PTOV1: variants seen among roughly 807,000 people sequenced by gnomAD.
PTOV1 encodes PTOV1 extended AT-hook containing adaptor protein, also known as prostate tumor-overexpressed gene 1 protein.
A neutral mutation model predicts 58.0 loss-of-function variants in PTOV1; 20 were observed. That is an observed-to-expected ratio of 0.34 (90% CI 0.24 to 0.50). PTOV1 has a LOEUF of 0.50. PTOV1 is among the 20% of genes least tolerant of loss of function. The pLI, the probability that PTOV1 is intolerant of heterozygous loss-of-function variation, is 0.98. For synonymous variants in PTOV1, 335 were observed against 234.2 expected (o/e 1.43, Z -3.93); for missense variants, 593 against 565.4 (o/e 1.05, Z -0.50).
rs984271358 is a variant in PTOV1 at position 49,854,393 on chromosome 19, C to G, written c.172-13C>G. 6.9e-6 allele frequency: 11 copies of G among 1,603,444 alleles called. No homozygotes were observed. In the East Asian group the frequency reaches 2.0e-4, roughly 29 times the overall value. On this transcript the variant is annotated splice_polypyrimidine_tract_variant and intron_variant, in intron 1 of 11. Transcript: ENST00000391842. The stretch of plus-strand genomic sequence containing the variant: ...GGCCTCAGTTTTCCCACCTATCCCC[C>G]ACTCCATTGCAGGAAGGTGCTCGGG...
chr19:49,860,155 A>C (rs1600406376), exon 11 of PTOV1: 1 of 1,614,094 alleles, frequency 6.2e-7, no homozygotes, highest in Non-Finnish European at 8.5e-7. Context: ...CTGCAGCGGA[A>C]CCTGGAGCAG....
At chr19:49,851,533 C>G in intron 1 of PTOV1, 34 bp downstream of exon 1, 1 of 1,132,760 alleles carries the variant, frequency 8.8e-7, no homozygotes, top group Non-Finnish European at 1.1e-6. Context: ...GAGCCTTCCA[C>G]GGCCCCGCCC....
intron 6 of PTOV1, 195 bp from the exon 7 acceptor site, chr19:49,857,498 C>T (rs2074527414): frequency 1.6e-6 from 1 of 640,326 alleles, no homozygotes; most frequent in Non-Finnish European, 2.8e-6. Flanking sequence ...GGGCCGGGAC[C>T]TGTCTCAGGC....
chr19:49,858,853 C>T (rs1468721270), intron 10 of PTOV1, 200 bp downstream of exon 10: 7 of 542,012 alleles, frequency 1.3e-5, no homozygotes, highest in South Asian at 7.5e-5. Context: ...CCTGGTTCTG[C>T]GGGGGCCTGC....
chr19:49,851,419 G>T, exon 1 of PTOV1: 8 of 1,207,252 alleles, frequency 6.6e-6, no homozygotes, highest in Non-Finnish European at 8.2e-6. Context: ...CGTGGTGCGC[G>T]CCGTCCGCTC....
intron 6 of PTOV1, 120 bp from the exon 7 acceptor site, chr19:49,857,573 A>AATGGAC: frequency 1.1e-6 from 1 of 913,450 alleles, no homozygotes; most frequent in Non-Finnish European, 1.7e-6. Context: ...GGGACTAGAG[A>AATGGAC]ATGGACCCAG....
intron 8 of PTOV1, 38 bp downstream of exon 8, chr19:49,858,015 G>A (rs1287728918): frequency 6.2e-7 from 1 of 1,613,376 alleles, no homozygotes; most frequent in Admixed American, 1.7e-5. Flanking sequence ...AGCATCCAGG[G>A]GAGCTGGGGC....
intron 1 of PTOV1, among the ~76,000 whole-genome samples, chr19:49,854,186 C>A (rs1488512651): frequency 1.3e-5 from 2 of 152,182 alleles, no homozygotes; most frequent in African/African-American, 2.4e-5. Flanking sequence ...ACAGCAGGCT[C>A]TGGGAAGGAA....
chr19:49,853,519 G>C (rs1050290620), intron 1 of PTOV1, among the ~76,000 whole-genome samples: 1 of 147,882 alleles, frequency 6.8e-6, no homozygotes, highest in Non-Finnish European at 1.5e-5. Context: ...AAAAAAATTA[G>C]CCGGGCATGA....
rs903836923 is a variant in PTOV1, at chr19:49,858,654, G to A, written c.1041+1G>A. ...GTGCCGGATCATGGACAATGGCTTC[G>A]TGAGTGGTGCCAGCAGACGCAGGGG... On this transcript the variant is annotated splice_donor_variant, in intron 10 of 11. Coordinates refer to ENST00000391842, the Ensembl canonical transcript of PTOV1. LOFTEE classifies it high-confidence loss of function. 3 of 1,591,638 alleles carry A rather than the reference G, an allele frequency of 1.9e-6. No homozygotes were observed. The highest frequency in any genetic ancestry group is 1.1e-5 in the South Asian group (1 of 88,222).
intron 9 of PTOV1, 29 bp downstream of exon 9, chr19:49,858,143 C>G (rs1568648807): frequency 6.2e-7 from 1 of 1,609,112 alleles, no homozygotes; most frequent in Non-Finnish European, 8.5e-7. Context: ...GTGCTGGAGC[C>G]TGCACGCAGT....
intron 1 of PTOV1, 32 bp from the exon 2 acceptor site, chr19:49,854,372 TCA>T (rs2074370479): frequency 6.3e-7 from 1 of 1,587,924 alleles, no homozygotes; most frequent in African/African-American, 1.3e-5. Context: ...GGCCCCGGCC[TCA>T]GTTTTCCCAC....
intron 10 of PTOV1, chr19:49,858,960 T>C: frequency 7.3e-6 from 2 of 273,688 alleles, no homozygotes; most frequent in South Asian, 9.5e-5. Flanking sequence ...CCCGGGAGCT[T>C]GTGCCACATC....
chr19:49,850,818 T>C, upstream of PTOV1: 1 of 1,527,130 alleles, frequency 6.5e-7, no homozygotes, highest in Non-Finnish European at 8.8e-7. Flanking sequence ...CATTATTCCG[T>C]CCTCCCCTCT....
Position 49,851,198 on chromosome 19 carries a change from C to T in PTOV1, c.-131C>T, listed in dbSNP as rs1600348588. 23 of 1,211,272 alleles carry T rather than the reference C, an allele frequency of 1.9e-5. No homozygotes were observed. In the East Asian group the frequency reaches 8.6e-4, roughly 45 times the overall value. The allele number at this position is 1,211,272 out of a possible 1,614,324, so 75.0% of individuals were successfully genotyped here. A position where few individuals can be genotyped will look rare whatever the true frequency, so the allele number is the denominator to read the frequency against. The stretch of plus-strand genomic sequence containing the variant: ...GGCGACCCCACTCCGGCGGCGCGTC[C>T]CCCGAGCTTGGTACGGCTCAGCCCG... On this transcript the variant is annotated 5_prime_UTR_variant, in exon 1 of 12. Coordinates refer to ENST00000391842, the Ensembl canonical transcript of PTOV1.
chr19:49,858,600 A>G (rs1291416963), exon 10 of PTOV1: 4 of 1,607,114 alleles, frequency 2.5e-6, no homozygotes, highest in Non-Finnish European at 3.4e-6. Flanking sequence ...GTTCCACTTC[A>G]CCAAGGACCT....
chr19:49,858,231 A>C (rs2074569135), intron 9 of PTOV1, 117 bp downstream of exon 9: 2 of 1,301,660 alleles, frequency 1.5e-6, no homozygotes, highest in Non-Finnish European at 2.1e-6. Flanking sequence ...AGCGGAGCTG[A>C]GGGTGCTGAA....
chr19:49,857,716 C>T, exon 7 of PTOV1: 1 of 1,614,144 alleles, frequency 6.2e-7, no homozygotes, highest in Non-Finnish European at 8.5e-7. Context: ...GTGGTGTCAA[C>T]TCAGGCCCAG....
chr19:49,851,112 G>GC (rs2074223185), upstream of PTOV1: 1 of 1,363,638 alleles, frequency 7.3e-7, no homozygotes, highest in African/African-American at 1.5e-5. Flanking sequence ...CTCCGGCCAC[G>GC]CCCCCTCGGA....
Sources: gnomAD v4.1 joint callset for allele counts (sites outside exome capture counted in the v4.1 genomes callset) on GRCh38, gnomAD v4.1.1 for gene constraint, MANE v1.5 for transcripts, NCBI Gene and HGNC (gene_info 2026-07-23, HGNC 2026-07-21) for gene names.